The following GET4 variants were observed in gnomAD, a reference collection of about 807,000 sequenced individuals.
GET4 encodes Golgi to ER traffic protein 4 homolog.
Under a neutral mutation model 40.0 loss-of-function variants are expected in GET4, and 20 were observed. That is an observed-to-expected ratio of 0.50 (90% CI 0.35 to 0.73). The LOEUF is 0.73. GET4 is among the 30% of genes least tolerant of loss of function. The pLI is 0.01. For synonymous variants in GET4, 280 were observed against 194.6 expected, an observed-to-expected ratio of 1.44 and a Z score of -3.65; for missense variants, 557 against 454.0, an observed-to-expected ratio of 1.23 and a Z score of -2.06.
intron 6 of GET4, 28 bp from the exon 7 acceptor site, chr7:893,712 A>G (rs1362940571): frequency 6.6e-7 from 1 of 1,505,534 alleles, no homozygotes; most frequent in African/African-American, 1.4e-5. Context: ...CTGCTCACCC[A>G]GCACATCCCT....
At position 886,555 on chromosome 7, in the gene GET4, G is replaced by C. The variant is rs757790553; in HGVS notation, c.235-14G>C. 2 of 1,599,364 alleles carry C rather than the reference G, an allele frequency of 1.3e-6. No homozygotes were observed. Among genetic ancestry groups the C allele is most frequent in the South Asian group, 2.2e-5 (2 of 90,742 alleles). On this transcript the variant is annotated splice_polypyrimidine_tract_variant and intron_variant, in intron 2 of 8. Transcript: ENST00000265857. ...GCTTTGTTCTTGATTCTTGTGTGTT[G>C]CTTTCTCTTGTAGCAAAACAGTGCA...
intron 3 of GET4, chr7:886,958 T>C (rs1844201652): frequency 3.9e-6 from 2 of 519,308 alleles, no homozygotes; most frequent in Non-Finnish European, 7.1e-6. Flanking sequence ...GGCACCACTT[T>C]GGCTTGTCGG....
intron 5 of GET4, 37 bp downstream of exon 5, chr7:891,103 T>G: frequency 6.5e-7 from 1 of 1,543,182 alleles, no homozygotes; most frequent in Non-Finnish European, 8.8e-7. Flanking sequence ...CGGCTTCCAT[T>G]GCTGCCTTGG....
At chr7:886,337 C>G (rs978309445) in intron 2 of GET4, 11 of 604,748 alleles carry the variant, frequency 1.8e-5, no homozygotes, top group African/African-American at 7.4e-5. Flanking sequence ...TGCGTTTGTG[C>G]ACGATGGGGC....
intron 3 of GET4, 87 bp from the exon 4 acceptor site, chr7:887,283 G>T: frequency 1.5e-6 from 2 of 1,356,998 alleles, no homozygotes; most frequent in East Asian, 2.3e-5. Context: ...AAGTAGTTGC[G>T]AATGGAAATC....
At chr7:889,852 TTAGGA>T in intron 4 of GET4, among the ~76,000 whole-genome samples, 1 of 9,452 alleles carries the variant, frequency 1.1e-4, no homozygotes, top group African/African-American at 5.5e-4. Flanking sequence ...CGAGCGGGTG[TTAGGA>T]CGGGGTCTGG....
At chr7:894,048 C>T (rs781655083) in intron 8 of GET4, 77 bp downstream of exon 8, 16 of 839,926 alleles carry the variant, frequency 1.9e-5, no homozygotes, top group Middle Eastern at 3.5e-4. Context: ...CAGGCAGGTC[C>T]AGTGCGGTCC....
intron 5 of GET4, among the ~76,000 whole-genome samples, chr7:891,640 A>G (rs758205337): frequency 1.9e-4 from 29 of 152,230 alleles, no homozygotes; most frequent in Admixed American, 1.3e-3. Context: ...TGTGCCCGTC[A>G]GTTTCTTCCC....
chr7:893,869 C>T (rs1261046222), intron 7 of GET4, 30 bp from the exon 8 acceptor site: 2 of 1,609,978 alleles, frequency 1.2e-6, no homozygotes, highest in African/African-American at 1.3e-5. Flanking sequence ...TGGGTCCACC[C>T]CCTCTGAGCC....
At chr7:891,151 C>G in intron 5 of GET4, 85 bp downstream of exon 5, 2 of 1,065,070 alleles carry the variant, frequency 1.9e-6, no homozygotes, top group Non-Finnish European at 2.7e-6. Context: ...GTCCCCTGTC[C>G]GAGCCGAGCT....
chr7:886,024 G>C, intron 1 of GET4, 32 bp from the exon 2 acceptor site: 1 of 1,370,970 alleles, frequency 7.3e-7, no homozygotes, highest in Non-Finnish European at 1.0e-6. Flanking sequence ...GAGGGCACGT[G>C]GGCGTGGCTC....
At chr7:884,503 C>T (rs760055829) in intron 1 of GET4, 9 of 483,912 alleles carry the variant, frequency 1.9e-5, no homozygotes, top group Non-Finnish European at 3.1e-5. Context: ...CTCTTGGGTG[C>T]GGGCTTTTCC....
At chr7:893,181 AGT>A (rs1196246374) in intron 6 of GET4, among the ~76,000 whole-genome samples, 2 of 101,028 alleles carry the variant, frequency 2.0e-5, no homozygotes, top group African/African-American at 4.1e-5. Flanking sequence ...TTTGCAGGTG[AGT>A]GTTGGGCGCG....
intron 3 of GET4, 88 bp from the exon 4 acceptor site, chr7:887,282 C>T (rs534887267): frequency 1.1e-5 from 15 of 1,342,484 alleles, no homozygotes; most frequent in African/African-American, 1.0e-4. Flanking sequence ...TAAGTAGTTG[C>T]GAATGGAAAT....
chr7:892,472 TA>T, intron 6 of GET4, 54 bp downstream of exon 6: 1 of 1,564,542 alleles, frequency 6.4e-7, no homozygotes, highest in Non-Finnish European at 8.7e-7. Flanking sequence ...GGGTTGTGTG[TA>T]GACGTGGTGT....
In GET4 at chr7:893,668, C is replaced by T. The variant is rs536171801; in HGVS notation, c.747-72C>T. ...TGTGCAGGTGAGTGTTGGGCGCAGG[C>T]GCGGTGGTTTGTGCAGGTGAGTGTG... On this transcript the variant is annotated intron_variant, in intron 6 of 8. Transcript: ENST00000265857. 70 of 969,180 alleles carry T rather than the reference C, an allele frequency of 7.2e-5. 1 individual carries two copies. The highest frequency in any genetic ancestry group is 3.2e-4 in the South Asian group (23 of 72,760). The allele number at this position is 969,180 out of a possible 1,614,324, so 60.0% of individuals were successfully genotyped here. A position where few individuals can be genotyped will look rare whatever the true frequency, so the allele number is the denominator to read the frequency against.
chr7:889,177 C>A (rs928779411), intron 4 of GET4, among the ~76,000 whole-genome samples: 1 of 152,270 alleles, frequency 6.6e-6, no homozygotes, highest in Non-Finnish European at 1.5e-5. Context: ...CTGCAGAGAT[C>A]CCCTGAAGAG....
At chr7:878,133 G>A (rs1179179013) in intron 1 of GET4, 3 of 376,112 alleles carry the variant, frequency 8.0e-6, no homozygotes, top group African/African-American at 2.1e-5. Context: ...TAGGCTCGGT[G>A]ACACCTGCAC....
At chr7:878,970 A>C (rs1844028047) in intron 1 of GET4, among the ~76,000 whole-genome samples, 2 of 81,782 alleles carry the variant, frequency 2.4e-5, no homozygotes, top group South Asian at 9.0e-4. Context: ...CTCCTGCCCC[A>C]CAGACACCCC....
Sources: gnomAD v4.1 joint callset for allele counts (sites outside exome capture counted in the v4.1 genomes callset) on GRCh38, gnomAD v4.1.1 for gene constraint, MANE v1.5 for transcripts, NCBI Gene and HGNC (gene_info 2026-07-23, HGNC 2026-07-21) for gene names.